Variants in CLDN3 observed in about 807,000 individuals in gnomAD.
The protein encoded by CLDN3 is claudin 3, also known as claudin-3.
CLDN3 carries 6 observed loss-of-function variants against 16.3 expected under a neutral mutation model. That is an observed-to-expected ratio of 0.37 (90% CI 0.20 to 0.73). CLDN3 has a LOEUF of 0.73. Ranked by LOEUF, CLDN3 falls within the 30% of genes least tolerant of loss-of-function variation. The pLI, the probability that CLDN3 is intolerant of heterozygous loss-of-function variation, is 0.52. For synonymous variants in CLDN3, 145 were observed against 150.1 expected, an observed-to-expected ratio of 0.97 and a Z score of 0.25; for missense variants, 248 against 305.2, an observed-to-expected ratio of 0.81 and a Z score of 1.40.
rs530281908 is a variant in CLDN3, at chr7:73,769,501, C to G, written c.549G>C (p.Ser183=). The part of the protein sequence containing the change: ...QLLGGALLCC[S]CPPREKKYTA... ...TGTACTTCTTCTCGCGTGGGGGACA[C>G]GAGCAGCAGAGCAGCGCGCCCCCCA... Residue 183 remains serine, a synonymous_variant, in exon 1 of 1, where the codon TCG becomes TCC. Transcript: ENST00000395145. 5 of 1,609,428 alleles carry G rather than the reference C, an allele frequency of 3.1e-6. No homozygotes were observed. The South Asian group carries it at 4.4e-5, about 14-fold the overall frequency.
chr7:73,770,193 G>A lies in CLDN3; in HGVS notation c.-144C>T. On this transcript the variant is annotated 5_prime_UTR_variant, in exon 1 of 1. Coordinates refer to ENST00000395145, the MANE Select transcript of CLDN3 (RefSeq NM_001306.4). The surrounding 1 kb of genome is among the most constrained non-coding windows in gnomAD (Gnocchi z 5.7). Reference sequence around the variant, plus strand: ...GACTCACCGACGGCGCGCGCTAACGGCTCGGCTCCATACGCTCTCGCCGCG... The same window carrying A: ...GACTCACCGACGGCGCGCGCTAACGACTCGGCTCCATACGCTCTCGCCGCG... 1 of 1,252,560 alleles carries A rather than the reference G, an allele frequency of 8.0e-7. No homozygotes were observed. The allele number at this position is 1,252,560 out of a possible 1,614,324, so 77.6% of individuals were successfully genotyped here. A position where few individuals can be genotyped will look rare whatever the true frequency, so the allele number is the denominator to read the frequency against.
chr7:73,769,159 A>G lies in CLDN3; in HGVS notation c.*228T>C. On this transcript the variant is annotated 3_prime_UTR_variant, in exon 1 of 1. Transcript: ENST00000395145. ...GTGCTCCAGAAGGGTGAGGTTTCACAGTCCATGCAGGTTGGTCCCTGGGCC... is the reference window on the plus strand; with the variant it reads ...GTGCTCCAGAAGGGTGAGGTTTCACGGTCCATGCAGGTTGGTCCCTGGGCC... 6 of 1,135,880 alleles carry G rather than the reference A, an allele frequency of 5.3e-6. No individual in the cohort carries two copies. Among genetic ancestry groups the G allele is most frequent in the Non-Finnish European group, 5.9e-6 (5 of 845,530 alleles). 70.4% of individuals were successfully genotyped at this position (1,135,880 alleles called of 1,614,324 possible).
rs908350130 is a variant in CLDN3, at chr7:73,769,052, G to A, written c.*335C>T. The A allele has an allele frequency of 4.4e-5, 20 of 449,986 alleles. No homozygotes were observed. Among genetic ancestry groups the A allele is most frequent in the Non-Finnish European group, 3.8e-6 (1 of 262,944 alleles). The allele number at this position is 449,986 out of a possible 1,614,324, so 27.9% of individuals were successfully genotyped here. A position where few individuals can be genotyped will look rare whatever the true frequency, so the allele number is the denominator to read the frequency against. On this transcript the variant is annotated 3_prime_UTR_variant, in exon 1 of 1. Coordinates refer to ENST00000395145, the MANE Select transcript of CLDN3 (RefSeq NM_001306.4). The stretch of plus-strand genomic sequence containing the variant: ...TCAAGTGCCCCTTCCAGGGCTGCCG[G>A]TCCCTGCCCAGCGCGAGCATGGGGG...
rs781958554 is a variant in CLDN3 at position 73,769,875 on chromosome 7, C to T, written c.175G>A (p.Gly59Ser). The change falls in exon 1 of 1, where the codon GGC becomes AGC. Residue 59 changes from glycine to serine, a missense_variant. Coordinates refer to ENST00000395145, the MANE Select transcript of CLDN3 (RefSeq NM_001306.4). ...LWMNCVVQST[G>S]QMQCKVYDSL... is the part of the protein sequence containing the mutation. Reference sequence around the variant, plus strand: ...TCGTACACCTTGCACTGCATCTGGCCGGTGCTCTGCACCACGCAGTTCATC... The same window carrying T: ...TCGTACACCTTGCACTGCATCTGGCTGGTGCTCTGCACCACGCAGTTCATC... 5.0e-6 allele frequency: 8 copies of T among 1,612,784 alleles called. No individual in the cohort carries two copies. The highest frequency in any genetic ancestry group is 4.0e-5 in the African/African-American group (3 of 74,906).
chr7:73,769,273 G>T lies in CLDN3; in HGVS notation c.*114C>A, dbSNP rs776419519. 3.4e-6 allele frequency: 5 copies of T among 1,461,368 alleles called. No homozygotes were observed. The Admixed American group carries it at 1.0e-4, about 31-fold the overall frequency. 90.5% of individuals were successfully genotyped at this position (1,461,368 alleles called of 1,614,324 possible). A position where few individuals can be genotyped will look rare whatever the true frequency, so the allele number is the denominator to read the frequency against. On this transcript the variant is annotated 3_prime_UTR_variant, in exon 1 of 1. Transcript: ENST00000395145. ...GGGGCTTCCTGGCTTCTGGGGGTGG[G>T]CTGGCCTCCGAGGCAAGGCTGCACG... is the stretch of plus-strand genomic sequence containing the variant.
chr7:73,769,148 T>C lies in CLDN3; in HGVS notation c.*239A>G. ...ACCCAGGCCCCGTGCTCCAGAAGGG[T>C]GAGGTTTCACAGTCCATGCAGGTTG... On this transcript the variant is annotated 3_prime_UTR_variant, in exon 1 of 1. Transcript: ENST00000395145. 1 of 1,044,164 alleles carries C rather than the reference T, an allele frequency of 9.6e-7. No individual in the cohort carries two copies. The highest frequency in any genetic ancestry group is 2.0e-5 in the South Asian group (1 of 51,074). 64.7% of individuals were successfully genotyped at this position (1,044,164 alleles called of 1,614,324 possible). A position where few individuals can be genotyped will look rare whatever the true frequency, so the allele number is the denominator to read the frequency against.
Position 73,769,554 on chromosome 7 carries a change from C to T in CLDN3, c.496G>A (p.Gly166Ser), listed in dbSNP as rs1787012609. The change falls in exon 1 of 1, where the codon GGC becomes AGC. Residue 166 changes from glycine to serine, a missense_variant. By Grantham distance (56) the Gly-to-Ser change is moderately conservative. Transcript: ENST00000395145. ...KREMGAGLYV[G>S]WAAAALQLLG... Reference sequence around the variant, plus strand: ...AGCTGCAGCGCCGCGGCCGCCCAGCCCACGTACAGGCCCGCGCCCATCTCG... The same window carrying T: ...AGCTGCAGCGCCGCGGCCGCCCAGCTCACGTACAGGCCCGCGCCCATCTCG... 6.2e-7 allele frequency: 1 copy of T among 1,602,714 alleles called. No homozygotes were observed. The highest frequency in any genetic ancestry group is 8.5e-7 in the Non-Finnish European group (1 of 1,174,796).
rs1787023508 is a variant in CLDN3 at position 73,770,019 on chromosome 7, C to T, written c.31G>A (p.Ala11Thr). 2 of 1,603,760 alleles carry T rather than the reference C, an allele frequency of 1.2e-6. No individual in the cohort carries two copies. Among genetic ancestry groups the T allele is most frequent in the East Asian group, 4.5e-5 (2 of 44,530 alleles). ...CCCAGCCAGCCCAGCACGGCCAGCG[C>T]GGTGCCCGTGATCTCCAGGCCCATG... MSMGLEITGT[A>T]LAVLGWLGTI... Residue 11 changes from alanine to threonine, a missense_variant, in exon 1 of 1, where the codon GCG (alanine) becomes ACG (threonine). Ala to Thr is a moderately conservative substitution (Grantham distance 58, BLOSUM62 0). Transcript: ENST00000395145. This position sits in a 1 kb window ranked among gnomAD's most constrained non-coding sequence, Gnocchi z 5.7.
Position 73,769,320 on chromosome 7 carries a change from C to G in CLDN3, c.*67G>C. 5 of 1,531,792 alleles carry G rather than the reference C, an allele frequency of 3.3e-6. No homozygotes were observed. In the South Asian group the frequency reaches 5.0e-5, roughly 15 times the overall value. 94.9% of individuals were successfully genotyped at this position (1,531,792 alleles called of 1,614,324 possible). A position where few individuals can be genotyped will look rare whatever the true frequency, so the allele number is the denominator to read the frequency against. On this transcript the variant is annotated 3_prime_UTR_variant, in exon 1 of 1. Coordinates refer to ENST00000395145, the MANE Select transcript of CLDN3 (RefSeq NM_001306.4). ...CACGCTGGATGGCCTGGTGCGCGCT[C>G]CAGCTCGCGGTGGTGGTGGTGGTGT...
chr7:73,769,619 C>T lies in CLDN3; in HGVS notation c.431G>A (p.Arg144Gln), dbSNP rs1554626669. ...GGGCACCACGGGGTTGTAGAAGTCC[C>T]GGATAATGGTGTTGGCCGACCAGGA... ...PVSWSANTII[R>Q]DFYNPVVPEA... The change falls in exon 1 of 1, where the codon CGG becomes CAG. Residue 144 changes from arginine (R) to glutamine (Q), a missense_variant. Arg to Gln is a conservative substitution (Grantham distance 43). Coordinates refer to ENST00000395145, the MANE Select transcript of CLDN3 (RefSeq NM_001306.4). 1 of 1,612,414 alleles carries T rather than the reference C, an allele frequency of 6.2e-7. No individual in the cohort carries two copies. The highest frequency in any genetic ancestry group is 8.5e-7 in the Non-Finnish European group (1 of 1,179,510).
chr7:73,769,378 G>A lies in CLDN3; in HGVS notation c.*9C>T, dbSNP rs782565724. ...GGTGGTGGTGGTGGGGTCTCCCTGC[G>A]TCTGTCCCTTAGACGTAGTCCTTGC... is the stretch of plus-strand genomic sequence containing the variant. On this transcript the variant is annotated 3_prime_UTR_variant, in exon 1 of 1. Coordinates refer to ENST00000395145, the MANE Select transcript of CLDN3 (RefSeq NM_001306.4). 6 of 1,586,054 alleles carry A rather than the reference G, an allele frequency of 3.8e-6. No homozygotes were observed. Among genetic ancestry groups the A allele is most frequent in the Non-Finnish European group, 5.1e-6 (6 of 1,173,358 alleles).
rs1265273901 is a variant in CLDN3 at position 73,769,816 on chromosome 7, C to T, written c.234G>A (p.Ala78=). The T allele has an allele frequency of 1.2e-6, 2 of 1,612,354 alleles. No homozygotes were observed. The highest frequency in any genetic ancestry group is 1.7e-6 in the Non-Finnish European group (2 of 1,179,802). The change falls in exon 1 of 1, where the codon GCG becomes GCA. Residue 78 remains alanine, a synonymous_variant. Transcript: ENST00000395145. ...TGGCCACCACGATGAGGGCGCGGGCCGCCTGAAGGTCCTGTGGCAGTGCCA... is the reference window on the plus strand; with the variant it reads ...TGGCCACCACGATGAGGGCGCGGGCTGCCTGAAGGTCCTGTGGCAGTGCCA... The part of the protein sequence containing the change: ...SLLALPQDLQ[A]ARALIVVAIL...
In CLDN3 at chr7:73,769,949, A is replaced by G; in HGVS notation, c.101T>C (p.Phe34Ser). Reference protein sequence around the residue: ...CALPMWRVSAFIGSNIITSQN... With the variant: ...CALPMWRVSASIGSNIITSQN... ...CGACGTGATGATGTTGCTGCCGATG[A>G]AGGCCGACACGCGCCACATGGGCAA... The change falls in exon 1 of 1, where the codon TTC becomes TCC. Residue 34 changes from phenylalanine to serine, a missense_variant. Physicochemically the swap from Phe to Ser is radical, Grantham distance 155. Coordinates refer to ENST00000395145, the MANE Select transcript of CLDN3 (RefSeq NM_001306.4). 6.2e-7 allele frequency: 1 copy of G among 1,613,478 alleles called. No homozygotes were observed. The highest frequency in any genetic ancestry group is 8.5e-7 in the Non-Finnish European group (1 of 1,179,936).
rs1787004968 is a variant in CLDN3 at position 73,769,321 on chromosome 7, C to T, written c.*66G>A. The stretch of plus-strand genomic sequence containing the variant: ...ACGCTGGATGGCCTGGTGCGCGCTC[C>T]AGCTCGCGGTGGTGGTGGTGGTGTT... On this transcript the variant is annotated 3_prime_UTR_variant, in exon 1 of 1. Transcript: ENST00000395145. 1 of 1,532,066 alleles carries T rather than the reference C, an allele frequency of 6.5e-7. No individual in the cohort carries two copies. The allele number at this position is 1,532,066 out of a possible 1,614,324, so 94.9% of individuals were successfully genotyped here.
rs759245039 is a variant in CLDN3 at position 73,769,284 on chromosome 7, AG to A, written c.*102del. 303 of 1,483,532 alleles carry A rather than the reference AG, an allele frequency of 2.0e-4. No homozygotes were observed. The highest frequency in any genetic ancestry group is 2.6e-4 in the Non-Finnish European group (288 of 1,123,150). The allele number at this position is 1,483,532 out of a possible 1,614,324, so 91.9% of individuals were successfully genotyped here. On this transcript the variant is annotated 3_prime_UTR_variant, in exon 1 of 1. Coordinates refer to ENST00000395145, the MANE Select transcript of CLDN3 (RefSeq NM_001306.4). Reference sequence around the variant, plus strand: ...GCTTCTGGGGGTGGGCTGGCCTCCGAGGCAAGGCTGCACGCTGGATGGCCTG... The same window carrying A: ...GCTTCTGGGGGTGGGCTGGCCTCCGAGCAAGGCTGCACGCTGGATGGCCTG...
rs1554626613 is a variant in CLDN3 at position 73,769,426 on chromosome 7, G to T, written c.624C>A (p.Ala208=). The part of the protein sequence containing the change: ...YSAPRSTGPG[A]SLGTGYDRKD... ...TGCGGTCGTAGCCTGTGCCCAGGCTGGCTCCCGGGCCGGTGGAGCGCGGCG... is the reference window on the plus strand; with the variant it reads ...TGCGGTCGTAGCCTGTGCCCAGGCTTGCTCCCGGGCCGGTGGAGCGCGGCG... The change falls in exon 1 of 1, where the codon GCC becomes GCA. Residue 208 remains alanine, a synonymous_variant. Transcript: ENST00000395145. The T allele has an allele frequency of 6.2e-7, 1 of 1,603,308 alleles. No individual in the cohort carries two copies. The highest frequency in any genetic ancestry group is 8.5e-7 in the Non-Finnish European group (1 of 1,179,642).
In CLDN3 at chr7:73,769,774, G is replaced by A; in HGVS notation, c.276C>T (p.Phe92=). 1.2e-6 allele frequency: 2 copies of A among 1,611,480 alleles called. No homozygotes were observed. The highest frequency in any genetic ancestry group is 1.7e-6 in the Non-Finnish European group (2 of 1,179,072). The change falls in exon 1 of 1, where the codon TTC becomes TTT. Residue 92 remains phenylalanine, a synonymous_variant. Transcript: ENST00000395145. ...CGCCCACCAGCGCCACTAGCAGCCC[G>A]AAGGCGGCCAGCAGGATGGCCACCA... ...LIVVAILLAA[F]GLLVALVGAQ...
Position 73,770,058 on chromosome 7 carries a change from C to T in CLDN3, c.-9G>A. The T allele has an allele frequency of 6.6e-7, 1 of 1,515,882 alleles. No individual in the cohort carries two copies. The highest frequency in any genetic ancestry group is 8.8e-7 in the Non-Finnish European group (1 of 1,130,112). 93.9% of individuals were successfully genotyped at this position (1,515,882 alleles called of 1,614,324 possible). ...TCCAGGCCCATGGACATGGCTGCCG[C>T]GGCAAGGCCCGCTCCACCGGGTGGC... is the stretch of plus-strand genomic sequence containing the variant. On this transcript the variant is annotated 5_prime_UTR_variant, in exon 1 of 1. Transcript: ENST00000395145. The surrounding 1 kb of genome is among the most constrained non-coding windows in gnomAD (Gnocchi z 5.7).
At position 73,769,504 on chromosome 7, in the gene CLDN3, G is replaced by A. The variant is rs1290952804; in HGVS notation, c.546C>T (p.Cys182=). The change falls in exon 1 of 1, where the codon TGC becomes TGT. Residue 182 remains cysteine, a synonymous_variant. Transcript: ENST00000395145. ...ACTTCTTCTCGCGTGGGGGACACGA[G>A]CAGCAGAGCAGCGCGCCCCCCAGCA... ...LQLLGGALLC[C]SCPPREKKYT... 1.2e-6 allele frequency: 2 copies of A among 1,608,646 alleles called. No individual in the cohort carries two copies. Among genetic ancestry groups the A allele is most frequent in the East Asian group, 2.2e-5 (1 of 44,844 alleles).
Sources: allele counts gnomAD v4.1 joint callset, GRCh38; gene constraint gnomAD v4.1.1; non-coding constraint Gnocchi (gnomAD v3.1); transcripts MANE v1.5; gene names NCBI Gene and HGNC (gene_info 2026-07-23, HGNC 2026-07-21).